PLA2G12B: variants seen among roughly 807,000 people sequenced by gnomAD.
The protein encoded by PLA2G12B is group XIIB secretory phospholipase A2-like protein.
A neutral mutation model predicts 22.3 loss-of-function variants in PLA2G12B; 19 were observed. The ratio of observed to expected loss-of-function variants is 0.85; its 90% CI spans 0.60 to 1.25. The LOEUF (loss-of-function observed/expected upper bound fraction) is 1.25, where lower values mean the gene tolerates loss of function less well. Ranked by LOEUF, PLA2G12B falls within the 50% of genes most tolerant of loss-of-function variation. PLA2G12B has a pLI of 0.00. For missense variants in PLA2G12B, 191 were observed against 246.6 expected (o/e 0.77, Z 1.51); for synonymous variants, 81 against 94.9 (o/e 0.85, Z 0.85).
chr10:72,947,099 T>C (rs1846454100), intron 1 of PLA2G12B, among the ~76,000 whole-genome samples: 1 of 152,082 alleles, frequency 6.6e-6, no homozygotes, highest in African/African-American at 2.4e-5. Context: ...AACTTGTAAA[T>C]TTTTTGATAG....
chr10:72,950,691 G>T (rs2132980728), intron 1 of PLA2G12B, among the ~76,000 whole-genome samples: 1 of 152,224 alleles, frequency 6.6e-6, no homozygotes, highest in African/African-American at 2.4e-5. Context: ...TGCTGGCCAG[G>T]CTAGTCTCAA....
intron 1 of PLA2G12B, among the ~76,000 whole-genome samples, chr10:72,944,602 T>C (rs992852772): frequency 1.3e-5 from 2 of 152,246 alleles, no homozygotes; most frequent in African/African-American, 4.8e-5. Context: ...CTTAGGTCTT[T>C]CTGTATGTCA....
At chr10:72,946,566 G>A (rs912950664) in intron 1 of PLA2G12B, among the ~76,000 whole-genome samples, 20 of 152,216 alleles carry the variant, frequency 1.3e-4, no homozygotes, top group African/African-American at 4.6e-4. Context: ...AGCAATGCGT[G>A]AGGGTTCCCA....
intron 1 of PLA2G12B, among the ~76,000 whole-genome samples, chr10:72,952,000 C>T (rs764249525): frequency 3.3e-5 from 5 of 152,242 alleles, no homozygotes; most frequent in Middle Eastern, 3.4e-3. Flanking sequence ...CTAAGAATGA[C>T]GTCATAGAAT....
intron 1 of PLA2G12B, among the ~76,000 whole-genome samples, chr10:72,947,477 C>T (rs1846462166): frequency 6.6e-6 from 1 of 152,150 alleles, no homozygotes; most frequent in African/African-American, 2.4e-5. Flanking sequence ...CAGACTGAAG[C>T]TATCCATCCA....
chr10:72,947,085 G>A (rs1459291355), intron 1 of PLA2G12B, among the ~76,000 whole-genome samples: 1 of 151,844 alleles, frequency 6.6e-6, no homozygotes, highest in East Asian at 1.9e-4. Context: ...CATCATGCAT[G>A]GCTAACTTGT....
chr10:72,935,832 C>A (rs1846272384), intron 3 of PLA2G12B, 94 bp from the exon 4 acceptor site: 2 of 1,425,984 alleles, frequency 1.4e-6, no homozygotes, highest in Admixed American at 2.2e-5. Context: ...AAAGTAGAGA[C>A]AGTAATCCAA....
chr10:72,937,942 C>T (rs1277948802), intron 3 of PLA2G12B, among the ~76,000 whole-genome samples: 3 of 151,790 alleles, frequency 2.0e-5, no homozygotes, highest in East Asian at 1.9e-4. Context: ...GGCGAAACCC[C>T]GTCTCTACTA....
intron 3 of PLA2G12B, among the ~76,000 whole-genome samples, chr10:72,938,898 C>T (rs879641035): frequency 1.2e-4 from 18 of 152,154 alleles, no homozygotes; most frequent in Non-Finnish European, 2.4e-4. Flanking sequence ...TTTAAGAACA[C>T]ATCTTGATTT....
intron 1 of PLA2G12B, 88 bp from the exon 2 acceptor site, chr10:72,942,828 A>G: frequency 8.3e-7 from 1 of 1,201,358 alleles, no homozygotes; most frequent in Non-Finnish European, 1.2e-6. Context: ...ATTTTCTAAA[A>G]GCATATTTCA....
At chr10:72,941,763 G>A (rs535089453) in intron 2 of PLA2G12B, among the ~76,000 whole-genome samples, 1 of 152,056 alleles carries the variant, frequency 6.6e-6, no homozygotes, top group South Asian at 2.1e-4. Flanking sequence ...TTCAGCCTCC[G>A]TTCATCAAAA....
At chr10:72,947,245 A>T (rs1218942209) in intron 1 of PLA2G12B, among the ~76,000 whole-genome samples, 1 of 148,048 alleles carries the variant, frequency 6.8e-6, no homozygotes, top group African/African-American at 2.5e-5. Context: ...TTCTTATTTT[A>T]TTTTATTTTT....
intron 2 of PLA2G12B, among the ~76,000 whole-genome samples, chr10:72,941,807 GGT>G (rs1361379126): frequency 6.7e-6 from 1 of 148,272 alleles, no homozygotes; most frequent in African/African-American, 2.6e-5. Flanking sequence ...CTATTTTAAG[GGT>G]GTGCGTGTGT....
intron 1 of PLA2G12B, among the ~76,000 whole-genome samples, chr10:72,946,262 A>G (rs1422092180): frequency 6.6e-6 from 1 of 152,196 alleles, no homozygotes; most frequent in Non-Finnish European, 1.5e-5. Flanking sequence ...TTCTGGTTTC[A>G]TACATGTTGT....
At chr10:72,943,989 C>T (rs1829843959) in intron 1 of PLA2G12B, among the ~76,000 whole-genome samples, 1 of 151,478 alleles carries the variant, frequency 6.6e-6, no homozygotes, top group South Asian at 2.1e-4. Context: ...TTTCTTTCTT[C>T]CTTTCTTTCT....
At chr10:72,936,123 C>T (rs1334576662) in intron 3 of PLA2G12B, among the ~76,000 whole-genome samples, 1 of 152,094 alleles carries the variant, frequency 6.6e-6, no homozygotes, top group African/African-American at 2.4e-5. Context: ...TTTCACTGTT[C>T]AAGTATTGGA....
chr10:72,946,833 G>A (rs1846450228), intron 1 of PLA2G12B, among the ~76,000 whole-genome samples: 1 of 151,908 alleles, frequency 6.6e-6, no homozygotes, highest in African/African-American at 2.4e-5. Flanking sequence ...TATTTTGGAA[G>A]CCTTGTCAAT....
intron 1 of PLA2G12B, 88 bp from the exon 2 acceptor site, chr10:72,942,828 A>C: frequency 8.3e-7 from 1 of 1,201,358 alleles, no homozygotes; most frequent in Non-Finnish European, 1.2e-6. Flanking sequence ...ATTTTCTAAA[A>C]GCATATTTCA....
At chr10:72,951,423 G>A (rs995652007) in intron 1 of PLA2G12B, among the ~76,000 whole-genome samples, 1 of 150,480 alleles carries the variant, frequency 6.6e-6, no homozygotes, top group African/African-American at 2.4e-5. Context: ...CGATTCTCAA[G>A]GAAATCTTGT....
Sources: allele counts gnomAD v4.1 joint callset (sites outside exome capture counted in the v4.1 genomes callset), GRCh38; gene constraint gnomAD v4.1.1; transcripts MANE v1.5; gene names NCBI Gene and HGNC (gene_info 2026-07-23, HGNC 2026-07-21).